TM9SF3: variants seen among roughly 807,000 people sequenced by gnomAD.
The protein encoded by TM9SF3 is transmembrane 9 superfamily member 3.
TM9SF3 carries 14 observed loss-of-function variants against 78.6 expected under a neutral mutation model. The observed-to-expected ratio is 0.18, with a 90% CI of 0.12 to 0.28. The LOEUF (loss-of-function observed/expected upper bound fraction) is 0.28. Among genes scored for constraint, TM9SF3 ranks in the 10% least tolerant of loss-of-function variants. The pLI, the probability that TM9SF3 is intolerant of heterozygous loss-of-function variation, is 1.00. For synonymous variants in TM9SF3, 231 were observed against 241.7 expected (o/e 0.96, Z 0.41); for missense variants, 496 against 721.9 (o/e 0.69, Z 3.59).
chr10:96,570,965 C>T (rs1014045203), intron 2 of TM9SF3, among the ~76,000 whole-genome samples: 2 of 152,174 alleles, frequency 1.3e-5, no homozygotes, highest in Non-Finnish European at 2.9e-5. Flanking sequence ...TCTCGAACTC[C>T]TGACCTCAAG....
In TM9SF3 at chr10:96,518,526, C is replaced by T. The variant is rs1239467893; in HGVS notation, c.*3737G>A. ...GTTATCAATTAGCAAGCCTAGTTCA[C>T]CAATACTTCAAAATAAACAGACTTC... is the stretch of plus-strand genomic sequence containing the variant. On this transcript the variant is annotated 3_prime_UTR_variant, in exon 15 of 15. Transcript: ENST00000371142. The T allele has an allele frequency of 6.6e-6, 1 of 152,158 alleles. No homozygotes were observed. Among genetic ancestry groups the T allele is most frequent in the South Asian group, 2.1e-4 (1 of 4,826 alleles). The allele number at this position is 152,158 out of a possible 1,614,324, so 9.4% of individuals were successfully genotyped here. A position where few individuals can be genotyped will look rare whatever the true frequency, so the allele number is the denominator to read the frequency against.
chr10:96,575,980 T>C (rs1449061329), intron 2 of TM9SF3, among the ~76,000 whole-genome samples: 1 of 152,202 alleles, frequency 6.6e-6, no homozygotes, highest in African/African-American at 2.4e-5. Context: ...CGATGAAGTA[T>C]TTTCCCCAAA....
chr10:96,557,618 C>G (rs1013999181), intron 5 of TM9SF3, among the ~76,000 whole-genome samples: 2 of 152,148 alleles, frequency 1.3e-5, no homozygotes, highest in African/African-American at 2.4e-5. Context: ...TAATCTGGCT[C>G]CTGCTACCTC....
chr10:96,534,061 CTGAA>C, intron 9 of TM9SF3, among the ~76,000 whole-genome samples: 2 of 151,284 alleles, frequency 1.3e-5, no homozygotes, highest in Non-Finnish European at 2.9e-5. Flanking sequence ...GAGAGAAAAA[CTGAA>C]TGAAACATGT....
chr10:96,539,077 C>T (rs1275230871), intron 9 of TM9SF3, among the ~76,000 whole-genome samples: 1 of 152,152 alleles, frequency 6.6e-6, no homozygotes, highest in Non-Finnish European at 1.5e-5. Flanking sequence ...ACTTGATTTA[C>T]AATAGCAAAA....
intron 7 of TM9SF3, among the ~76,000 whole-genome samples, chr10:96,551,042 T>C (rs1210787140): frequency 6.6e-6 from 1 of 152,230 alleles, no homozygotes; most frequent in Non-Finnish European, 1.5e-5. Flanking sequence ...TGTTCAGTAA[T>C]GCTACTAAGT....
intron 1 of TM9SF3, among the ~76,000 whole-genome samples, chr10:96,585,948 C>G (rs1420161291): frequency 1.3e-5 from 2 of 152,190 alleles, no homozygotes; most frequent in Non-Finnish European, 2.9e-5. Flanking sequence ...ACCAATTAAA[C>G]AAACTGCCAA....
At chr10:96,547,305 T>A (rs1205721584) in intron 8 of TM9SF3, among the ~76,000 whole-genome samples, 2 of 152,142 alleles carry the variant, frequency 1.3e-5, no homozygotes, top group Non-Finnish European at 2.9e-5. Context: ...TGTGGATGCA[T>A]CACATGGAGC....
At position 96,522,218 on chromosome 10, in the gene TM9SF3, C is replaced by T. The variant is rs764021902; in HGVS notation, c.*45G>A. The T allele has an allele frequency of 1.6e-5, 24 of 1,537,386 alleles. No homozygotes were observed. Among genetic ancestry groups the T allele is most frequent in the Non-Finnish European group, 2.1e-5 (24 of 1,124,852 alleles). On this transcript the variant is annotated 3_prime_UTR_variant, in exon 15 of 15. Transcript: ENST00000371142. ...TGTTTTTGCTGTGCAAGTTCCACCC[C>T]TATGAAAAAGAAATTGATCCAAAGT... is the stretch of plus-strand genomic sequence containing the variant.
At chr10:96,581,063 C>T (rs1848563215) in intron 1 of TM9SF3, among the ~76,000 whole-genome samples, 1 of 152,170 alleles carries the variant, frequency 6.6e-6, no homozygotes, top group African/African-American at 2.4e-5. Context: ...CACTGAATAA[C>T]TTTTCTATGT....
rs575094888 is a variant in TM9SF3, at chr10:96,525,109, T to G, written c.1702+2104A>C. On this transcript the variant is annotated intron_variant, in intron 14 of 14. Coordinates refer to ENST00000371142, the MANE Select transcript of TM9SF3 (RefSeq NM_020123.4). ...AAAAAGTCAAGTCAAGAAAAATTTT[T>G]TTAACTCTCTGCATAATCGATTCTA... 4.6e-5 allele frequency among the ~76,000 whole-genome samples: 7 copies of G among 152,160 alleles called. 1 individual carries two copies. The highest frequency in any genetic ancestry group is 3.9e-4 in the East Asian group (2 of 5,174).
intron 8 of TM9SF3, among the ~76,000 whole-genome samples, chr10:96,546,142 C>T (rs1218260371): frequency 3.3e-5 from 5 of 152,196 alleles, no homozygotes; most frequent in East Asian, 1.9e-4. Context: ...AGACCTTGAG[C>T]TTCACTGTAG....
chr10:96,574,736 T>C (rs1474035152), intron 2 of TM9SF3, among the ~76,000 whole-genome samples: 1 of 152,192 alleles, frequency 6.6e-6, no homozygotes, highest in Admixed American at 6.5e-5. Flanking sequence ...TGGAATACTA[T>C]GCAGCCACAG....
At chr10:96,552,532 A>G (rs1435662573) in intron 6 of TM9SF3, among the ~76,000 whole-genome samples, 1 of 152,206 alleles carries the variant, frequency 6.6e-6, no homozygotes, top group Non-Finnish European at 1.5e-5. Flanking sequence ...TAACTTAGTA[A>G]AAGAACTTAG....
rs757236165 is a variant in TM9SF3 at position 96,559,686 on chromosome 10, A to G, written c.633T>C (p.Tyr211=). The part of the protein sequence containing the change: ...DVKFEDRFDK[Y]LDPSFFQHRI... ...GATGTTGAAAAAAGGACGGATCAAG[A>G]TATTTGTCAAATCGATCTTCAAATT... The change falls in exon 5 of 15, where the codon TAT becomes TAC. Residue 211 remains tyrosine (Y), a synonymous_variant. Coordinates refer to ENST00000371142, the MANE Select transcript of TM9SF3 (RefSeq NM_020123.4). The G allele has an allele frequency of 1.3e-6, 2 of 1,595,772 alleles. No individual in the cohort carries two copies. The highest frequency in any genetic ancestry group is 1.3e-5 in the African/African-American group (1 of 74,658).
In TM9SF3 at chr10:96,518,740, T is replaced by C. The variant is rs1039089802; in HGVS notation, c.*3523A>G. ...CTTACCAGATTTCTGCAGGTTCATA[T>C]GTTAACGTTCTGATCTAGCCTACCT... is the stretch of plus-strand genomic sequence containing the variant. On this transcript the variant is annotated 3_prime_UTR_variant, in exon 15 of 15. Transcript: ENST00000371142. The C allele has an allele frequency of 6.6e-6, 1 of 152,162 alleles. No homozygotes were observed. The highest frequency in any genetic ancestry group is 2.4e-5 in the African/African-American group (1 of 41,462). The allele number at this position is 152,162 out of a possible 1,614,324, so 9.4% of individuals were successfully genotyped here.
At chr10:96,559,462 C>T (rs543204458) in intron 5 of TM9SF3, among the ~76,000 whole-genome samples, 197 bp downstream of exon 5, 1 of 152,238 alleles carries the variant, frequency 6.6e-6, no homozygotes, top group Admixed American at 6.5e-5. Context: ...ACCACAAGCA[C>T]AAAGAAGGAA....
intron 2 of TM9SF3, 151 bp downstream of exon 2, chr10:96,576,483 T>C: frequency 1.6e-6 from 1 of 638,966 alleles, no homozygotes; most frequent in Non-Finnish European, 2.3e-6. Context: ...ATCTGGGGGG[T>C]ACAGGCCAGG....
At chr10:96,573,367 G>A (rs1350234942) in intron 2 of TM9SF3, among the ~76,000 whole-genome samples, 3 of 152,066 alleles carry the variant, frequency 2.0e-5, no homozygotes, top group African/African-American at 2.4e-5. Flanking sequence ...AAGCATGATC[G>A]ACTTTATCTT....
Sources: allele counts gnomAD v4.1 joint callset (sites outside exome capture counted in the v4.1 genomes callset), GRCh38; gene constraint gnomAD v4.1.1; transcripts MANE v1.5; gene names NCBI Gene and HGNC (gene_info 2026-07-23, HGNC 2026-07-21).